Variants in CIMIP4 observed in about 807,000 individuals in gnomAD.
CIMIP4 encodes the protein ciliary microtubule inner protein 4.
the CIMIP4 span, among the ~76,000 whole-genome samples, chr22:36,992,202 C>A: frequency 6.6e-6 from 1 of 152,100 alleles, no homozygotes; most frequent in East Asian, 1.9e-4. Flanking sequence ...CAAAAATTAG[C>A]TGGGCGTGGT....
the CIMIP4 span, chr22:37,002,105 G>A: frequency 5.1e-6 from 8 of 1,571,598 alleles, no homozygotes; most frequent in Admixed American, 1.5e-4. Flanking sequence ...AGTCGGGGGT[G>A]GAGGGGGAAT....
the CIMIP4 span, among the ~76,000 whole-genome samples, chr22:36,996,216 A>G: frequency 5.4e-5 from 8 of 148,198 alleles, no homozygotes; most frequent in Middle Eastern, 3.3e-3. Flanking sequence ...TACTCAGAGC[A>G]GTACCTGGCA....
chr22:36,991,332 G>T, the CIMIP4 span: 2 of 1,591,690 alleles, frequency 1.3e-6, no homozygotes, highest in Non-Finnish European at 1.7e-6. Context: ...AGTCTCTGGA[G>T]TTGCCCAGAC....
chr22:37,001,447 C>T, the CIMIP4 span, among the ~76,000 whole-genome samples: 1 of 152,096 alleles, frequency 6.6e-6, no homozygotes, highest in Non-Finnish European at 1.5e-5. Context: ...CTTTGGGAGA[C>T]TTGATCACAT....
chr22:36,999,530 GGGGA>G, the CIMIP4 span, among the ~76,000 whole-genome samples: 1 of 42,282 alleles, frequency 2.4e-5, no homozygotes, highest in Admixed American at 2.2e-4. Context: ...GGGGAGGGGA[GGGGA>G]GGGGAGGGGA....
At chr22:37,001,822 C>T in the CIMIP4 span, 4 of 1,544,392 alleles carry the variant, frequency 2.6e-6, no homozygotes, top group Middle Eastern at 5.1e-4. Context: ...ACCCTCCTGG[C>T]CCCTGCTATG....
At chr22:37,000,542 T>C in the CIMIP4 span, among the ~76,000 whole-genome samples, 51 of 152,292 alleles carry the variant, frequency 3.3e-4, no homozygotes, top group African/African-American at 1.2e-3. Context: ...CTGCAATATA[T>C]CAGCTGTTGA....
chr22:36,991,129 C>T, the CIMIP4 span: 5 of 1,570,236 alleles, frequency 3.2e-6, no homozygotes, highest in Non-Finnish European at 4.4e-6. Flanking sequence ...TGAGCCTTTC[C>T]TTATTGTTAG....
the CIMIP4 span, among the ~76,000 whole-genome samples, chr22:37,006,795 A>T: frequency 6.6e-6 from 1 of 152,172 alleles, no homozygotes; most frequent in African/African-American, 2.4e-5. Context: ...TTTGGTGTGG[A>T]CTGGACATAG....
the CIMIP4 span, among the ~76,000 whole-genome samples, chr22:36,995,978 C>T: frequency 3.3e-5 from 5 of 152,238 alleles, no homozygotes; most frequent in South Asian, 1.0e-3. Context: ...CTAGAGAGGT[C>T]AGCCAGATGC....
At chr22:36,996,572 A>G in the CIMIP4 span, among the ~76,000 whole-genome samples, 2 of 152,196 alleles carry the variant, frequency 1.3e-5, no homozygotes, top group Admixed American at 6.5e-5. Flanking sequence ...CCATATTCAT[A>G]TATTAGAAAA....
At chr22:36,996,935 A>G in the CIMIP4 span, among the ~76,000 whole-genome samples, 1 of 152,248 alleles carries the variant, frequency 6.6e-6, no homozygotes, top group Non-Finnish European at 1.5e-5. Flanking sequence ...CTATTCAATA[A>G]AAGGTACTGA....
At chr22:37,000,021 A>G in the CIMIP4 span, 1 of 1,590,154 alleles carries the variant, frequency 6.3e-7, no homozygotes, top group Non-Finnish European at 8.6e-7. Flanking sequence ...CAGGGGATGG[A>G]AAAGCAGTTT....
At chr22:36,999,868 G>C in the CIMIP4 span, 1 of 1,613,910 alleles carries the variant, frequency 6.2e-7, no homozygotes, top group East Asian at 2.2e-5. Flanking sequence ...GCATGTTGTA[G>C]CCGAGGTCAT....
chr22:37,003,783 G>A, the CIMIP4 span, among the ~76,000 whole-genome samples: 11 of 152,136 alleles, frequency 7.2e-5, no homozygotes, highest in East Asian at 3.9e-4. Context: ...CAGTAATTCC[G>A]TTCCCTCCTT....
the CIMIP4 span, among the ~76,000 whole-genome samples, chr22:36,994,434 T>A: frequency 2.0e-5 from 3 of 151,962 alleles, no homozygotes; most frequent in Non-Finnish European, 4.4e-5. Flanking sequence ...GTTCAAGCGA[T>A]TCTTCTGCCT....
At chr22:37,001,376 G>A in the CIMIP4 span, among the ~76,000 whole-genome samples, 1 of 152,088 alleles carries the variant, frequency 6.6e-6, no homozygotes, top group Admixed American at 6.6e-5. Context: ...ATCAGGTCCA[G>A]GATTCAAACG....
At chr22:36,991,890 G>C in the CIMIP4 span, among the ~76,000 whole-genome samples, 1 of 152,240 alleles carries the variant, frequency 6.6e-6, no homozygotes, top group Non-Finnish European at 1.5e-5. Context: ...AAGACATCTA[G>C]CAAGTGGCAA....
the CIMIP4 span, among the ~76,000 whole-genome samples, chr22:36,998,234 G>A: frequency 6.6e-6 from 1 of 152,214 alleles, no homozygotes; most frequent in Admixed American, 6.5e-5. Context: ...AGAACTGGAA[G>A]GCAGGATCTG....
Sources: allele counts gnomAD v4.1 joint callset (sites outside exome capture counted in the v4.1 genomes callset), GRCh38; gene constraint gnomAD v4.1.1; transcripts MANE v1.5; gene names NCBI Gene and HGNC (gene_info 2026-07-23, HGNC 2026-07-21).